The following PCDHA13 variants were observed in gnomAD, a reference collection of about 807,000 sequenced individuals.
PCDHA13 encodes the protein protocadherin alpha-13.
PCDHA13 carries 54 observed loss-of-function variants against 64.8 expected under a neutral mutation model. The ratio of observed to expected loss-of-function variants is 0.83; its 90% CI spans 0.67 to 1.04. PCDHA13 has a LOEUF of 1.04. Ranked by LOEUF, PCDHA13 falls within the 50% of genes least tolerant of loss-of-function variation. The pLI is 0.00. For synonymous variants in PCDHA13, 587 were observed against 564.4 expected (o/e 1.04, Z -0.57); for missense variants, 1,248 against 1,254.3 (o/e 0.99, Z 0.08).
chr5:140,967,040 C>G, intron 1 of PCDHA13: 1 of 1,611,752 alleles, frequency 6.2e-7, no homozygotes, highest in South Asian at 1.1e-5. Flanking sequence ...CTACCTGGAG[C>G]TGGACCTGAC....
chr5:140,926,405 T>C (rs1554203436), intron 1 of PCDHA13: 1 of 152,454 alleles, frequency 6.6e-6, no homozygotes, highest in Non-Finnish European at 1.5e-5. Context: ...TTATCAGCAA[T>C]CTGCGGGCAG....
At chr5:140,954,476 G>C (rs1467215585) in intron 1 of PCDHA13, among the ~76,000 whole-genome samples, 1 of 152,192 alleles carries the variant, frequency 6.6e-6, no homozygotes, top group Non-Finnish European at 1.5e-5. Context: ...ACTGGTGTGA[G>C]AAGATATTTC....
Position 140,979,061 on chromosome 5 carries a change from A to G in PCDHA13, c.2453+54A>G, listed in dbSNP as rs374803810. 155 of 1,605,246 alleles carry G rather than the reference A, an allele frequency of 9.7e-5. No individual in the cohort carries two copies. The African/African-American group carries it at 1.8e-3, about 19-fold the overall frequency. On this transcript the variant is annotated intron_variant, in intron 2 of 3. Coordinates refer to ENST00000289272, the MANE Select transcript of PCDHA13 (RefSeq NM_018904.3). ...AAGTAACCTTAACTTGGTATGGCTC[A>G]GATAAACTGCATCTCCATAGGCCAG...
intron 3 of PCDHA13, among the ~76,000 whole-genome samples, chr5:140,994,668 G>A (rs2097644296): frequency 6.6e-6 from 1 of 152,118 alleles, no homozygotes; most frequent in Admixed American, 6.5e-5. Context: ...TCACACTACT[G>A]CACTCCAGCC....
At chr5:140,944,678 A>G (rs1483326984) in intron 1 of PCDHA13, among the ~76,000 whole-genome samples, 4 of 152,162 alleles carry the variant, frequency 2.6e-5, no homozygotes, top group African/African-American at 9.7e-5. Context: ...TATTCTGTGT[A>G]TCCTATTAAT....
rs149287754 is a variant in PCDHA13, at chr5:140,962,549, G to T, written c.2395-16400G>T. Reference sequence around the variant, plus strand: ...GTTTTTTAGAACTAAAAATGTAGAGGATCTCCCCCTAAAAGCCAATTGTTA... The same window carrying T: ...GTTTTTTAGAACTAAAAATGTAGAGTATCTCCCCCTAAAAGCCAATTGTTA... On this transcript the variant is annotated intron_variant, in intron 1 of 3. Coordinates refer to ENST00000289272, the MANE Select transcript of PCDHA13 (RefSeq NM_018904.3). 1.3e-3 allele frequency among the ~76,000 whole-genome samples: 202 copies of T among 152,208 alleles called. 3 individuals carry two copies. The highest frequency in any genetic ancestry group is 4.3e-4 in the Non-Finnish European group (29 of 68,014).
At chr5:141,006,584 G>C (rs1554260824) in intron 3 of PCDHA13, among the ~76,000 whole-genome samples, 2 of 152,126 alleles carry the variant, frequency 1.3e-5, no homozygotes, top group Admixed American at 6.6e-5. Flanking sequence ...GAGGGTTGGA[G>C]AGAAGCAAAA....
intron 1 of PCDHA13, among the ~76,000 whole-genome samples, chr5:140,911,208 G>A (rs1554194651): frequency 6.6e-6 from 1 of 152,154 alleles, no homozygotes; most frequent in Non-Finnish European, 1.5e-5. Flanking sequence ...TGCCACTACT[G>A]GGGATGAGAA....
At position 140,884,478 on chromosome 5, in the gene PCDHA13, C is replaced by G; in HGVS notation, c.2210C>G (p.Pro737Arg). The G allele has an allele frequency of 6.2e-7, 1 of 1,613,916 alleles. No individual in the cohort carries two copies. Among genetic ancestry groups the G allele is most frequent in the African/African-American group, 1.3e-5 (1 of 75,060 alleles). Reference sequence around the variant, plus strand: ...GAGGGCGCGTGCGCGCCGGGCAAGCCCACTCTAGTGTGCTCCAGCGCGGCA... The same window carrying G: ...GAGGGCGCGTGCGCGCCGGGCAAGCGCACTCTAGTGTGCTCCAGCGCGGCA... ...PTEGACAPGK[P>R]TLVCSSAAGS... Residue 737 changes from proline to arginine, a missense_variant, in exon 1 of 4, where the codon CCC becomes CGC. Transcript: ENST00000289272.
chr5:140,886,327 A>G (rs2060943233), intron 1 of PCDHA13, among the ~76,000 whole-genome samples: 1 of 152,162 alleles, frequency 6.6e-6, no homozygotes, highest in Admixed American at 6.5e-5. Flanking sequence ...GTTCTGGGAT[A>G]CATGTGCAGA....
chr5:140,989,893 A>T (rs1436233809), intron 3 of PCDHA13, among the ~76,000 whole-genome samples: 1 of 151,928 alleles, frequency 6.6e-6, no homozygotes, highest in Non-Finnish European at 1.5e-5. Context: ...AGTCTCCGTT[A>T]TTCACAATCA....
At chr5:140,945,000 G>T (rs980802301) in intron 1 of PCDHA13, among the ~76,000 whole-genome samples, 2 of 151,862 alleles carry the variant, frequency 1.3e-5, no homozygotes. Flanking sequence ...AACGGTTGTG[G>T]GTCATGAATT....
chr5:140,910,869 C>T (rs2153516135), intron 1 of PCDHA13, among the ~76,000 whole-genome samples: 1 of 152,264 alleles, frequency 6.6e-6, no homozygotes, highest in Non-Finnish European at 1.5e-5. Context: ...CCACCATTAT[C>T]CCACACCCTT....
At chr5:140,919,940 A>C (rs1162813087) in intron 1 of PCDHA13, among the ~76,000 whole-genome samples, 3 of 152,064 alleles carry the variant, frequency 2.0e-5, no homozygotes, top group African/African-American at 7.2e-5. Context: ...GGCTAATTCC[A>C]GTGAAAAGTT....
chr5:140,960,143 T>C (rs1250145398), intron 1 of PCDHA13, among the ~76,000 whole-genome samples: 1 of 152,208 alleles, frequency 6.6e-6, no homozygotes, highest in Non-Finnish European at 1.5e-5. Context: ...TAGATATTAA[T>C]AGCTTGAGAC....
intron 1 of PCDHA13, chr5:140,928,272 TG>T (rs781906023): frequency 6.2e-7 from 1 of 1,614,156 alleles, no homozygotes; most frequent in Non-Finnish European, 8.5e-7. Context: ...ACAATGGCCC[TG>T]GGGCCTCTCT....
chr5:140,933,937 T>A (rs1369497002), intron 1 of PCDHA13, among the ~76,000 whole-genome samples: 1 of 152,082 alleles, frequency 6.6e-6, no homozygotes. Context: ...GTGACTTTTT[T>A]TCACATCTGC....
Position 140,928,713 on chromosome 5 carries a change from T to C in PCDHA13, c.2394+44051T>C, listed in dbSNP as rs535812769. The C allele has an allele frequency of 3.1e-6, 5 of 1,614,142 alleles. No individual in the cohort carries two copies. In the African/African-American group the frequency reaches 6.7e-5, roughly 22 times the overall value. ...ACATCTCCCGGGCGTCTGACTCTAG[T>C]CTCTTTAGAATTTCAGCCAATATAG... On this transcript the variant is annotated intron_variant, in intron 1 of 3. Coordinates refer to ENST00000289272, the MANE Select transcript of PCDHA13 (RefSeq NM_018904.3).
In PCDHA13 at chr5:140,884,551, G is replaced by C. The variant is rs782613034; in HGVS notation, c.2283G>C (p.Gly761=). Residue 761 remains glycine, a synonymous_variant, in exon 1 of 4, where the codon GGG becomes GGC. Coordinates refer to ENST00000289272, the MANE Select transcript of PCDHA13 (RefSeq NM_018904.3). ...SQQRRPRVCS[G]EGPHKTDLMA... Reference sequence around the variant, plus strand: ...AGAGGCGGCCGAGGGTGTGCTCTGGGGAGGGCCCGCATAAGACGGACCTCA... The same window carrying C: ...AGAGGCGGCCGAGGGTGTGCTCTGGCGAGGGCCCGCATAAGACGGACCTCA... The C allele has an allele frequency of 1.2e-6, 2 of 1,614,134 alleles. No homozygotes were observed. The highest frequency in any genetic ancestry group is 1.7e-6 in the Non-Finnish European group (2 of 1,180,016).
Sources: gnomAD v4.1 joint callset for allele counts (sites outside exome capture counted in the v4.1 genomes callset) on GRCh38, gnomAD v4.1.1 for gene constraint, MANE v1.5 for transcripts, NCBI Gene and HGNC (gene_info 2026-07-23, HGNC 2026-07-21) for gene names.